The following PTPRK variants were observed in gnomAD, a reference collection of about 807,000 sequenced individuals.
PTPRK encodes protein tyrosine phosphatase receptor type K.
Under a neutral mutation model 178.0 loss-of-function variants are expected in PTPRK, and 75 were observed. The ratio of observed to expected loss-of-function variants is 0.42; its 90% confidence interval spans 0.35 to 0.51. PTPRK has a LOEUF of 0.51. PTPRK is among the 20% of genes least tolerant of loss of function. PTPRK has a pLI of 0.02. For synonymous variants in PTPRK, 637 were observed against 620.6 expected (o/e 1.03, Z -0.39); for missense variants, 1,441 against 1,797.8 (o/e 0.80, Z 3.59).
rs570277776 is a variant in PTPRK, at chr6:128,417,869, C to G, written c.101-20181G>C. ...CGTGGTCCTTTTCGTGTCTAATTCCCAGACACATTCTTGGCAACCACTTTG... is the reference window on the plus strand; with the variant it reads ...CGTGGTCCTTTTCGTGTCTAATTCCGAGACACATTCTTGGCAACCACTTTG... On this transcript the variant is annotated intron_variant, in intron 1 of 29. Transcript: ENST00000368226. Among the ~76,000 whole-genome samples, 241 of 152,290 alleles carry G rather than the reference C, an allele frequency of 1.6e-3. 1 individual carries two copies. The highest frequency in any genetic ancestry group is 5.4e-3 in the African/African-American group (226 of 41,556).
intron 2 of PTPRK, among the ~76,000 whole-genome samples, chr6:128,349,474 T>G (rs1057413234): frequency 2.0e-5 from 3 of 152,036 alleles, no homozygotes; most frequent in African/African-American, 7.2e-5. Context: ...GTACCAAATA[T>G]AAATAATTGA....
chr6:128,189,631 C>A (rs2114714959), intron 6 of PTPRK, among the ~76,000 whole-genome samples: 1 of 152,228 alleles, frequency 6.6e-6, no homozygotes, highest in Non-Finnish European at 1.5e-5. Context: ...TTAACACATT[C>A]AACACTAGAA....
At chr6:127,980,831 T>C (rs952403668) in intron 25 of PTPRK, among the ~76,000 whole-genome samples, 6 of 141,694 alleles carry the variant, frequency 4.2e-5, no homozygotes, top group African/African-American at 1.5e-4. Context: ...TTTTCTTTTC[T>C]GAAAATAATT....
At chr6:128,380,149 T>C (rs1209129214) in intron 2 of PTPRK, among the ~76,000 whole-genome samples, 3 of 151,936 alleles carry the variant, frequency 2.0e-5, no homozygotes, top group Non-Finnish European at 4.4e-5. Flanking sequence ...GATGTGTTCA[T>C]CAATAACAGA....
intron 7 of PTPRK, among the ~76,000 whole-genome samples, chr6:128,139,795 T>C (rs760130176): frequency 3.3e-5 from 5 of 152,096 alleles, no homozygotes; most frequent in Non-Finnish European, 7.4e-5. Context: ...TCTGTTCTAC[T>C]TCTCCCAATC....
intron 1 of PTPRK, among the ~76,000 whole-genome samples, chr6:128,432,337 C>T (rs1355503183): frequency 6.6e-6 from 1 of 152,218 alleles, no homozygotes; most frequent in Non-Finnish European, 1.5e-5. Flanking sequence ...ATAAACCAAA[C>T]TGCACCTTTG....
intron 8 of PTPRK, among the ~76,000 whole-genome samples, chr6:128,087,410 C>T (rs1347282128): frequency 6.6e-6 from 1 of 151,930 alleles, no homozygotes; most frequent in African/African-American, 2.4e-5. Context: ...GTGACACAGA[C>T]CTTATAACAT....
chr6:128,061,477 G>A (rs915626253), intron 13 of PTPRK, among the ~76,000 whole-genome samples: 2 of 150,360 alleles, frequency 1.3e-5, no homozygotes, highest in Non-Finnish European at 3.0e-5. Context: ...AAATACAAAG[G>A]ATATTAGGAA....
At chr6:128,354,661 G>A (rs942206372) in intron 2 of PTPRK, among the ~76,000 whole-genome samples, 1 of 152,192 alleles carries the variant, frequency 6.6e-6, no homozygotes, top group Non-Finnish European at 1.5e-5. Flanking sequence ...TGATTAGAAA[G>A]AGTAAGGCAA....
intron 15 of PTPRK, among the ~76,000 whole-genome samples, chr6:128,002,687 C>T (rs1434527105): frequency 6.6e-6 from 1 of 151,786 alleles, no homozygotes; most frequent in Non-Finnish European, 1.5e-5. Context: ...ATGTCAAACC[C>T]CACATCAAGA....
intron 13 of PTPRK, among the ~76,000 whole-genome samples, chr6:128,021,730 G>T (rs150000315): frequency 1.4e-4 from 21 of 152,278 alleles, no homozygotes; most frequent in African/African-American, 4.8e-4. Context: ...TGCACTTGTT[G>T]GCTGTGTTTC....
intron 3 of PTPRK, among the ~76,000 whole-genome samples, chr6:128,278,107 C>A (rs1385837437): frequency 3.3e-5 from 5 of 151,318 alleles, no homozygotes; most frequent in Non-Finnish European, 5.9e-5. Flanking sequence ...GGAAACAATG[C>A]AGGTGTTTTT....
chr6:128,457,629 T>A (rs2128410185), intron 1 of PTPRK, among the ~76,000 whole-genome samples: 1 of 152,276 alleles, frequency 6.6e-6, no homozygotes, highest in East Asian at 1.9e-4. Flanking sequence ...AAGACCAAAT[T>A]CTTTTCTGCA....
At position 127,996,803 on chromosome 6, in the gene PTPRK, T is replaced by C. The variant is rs1301100824; in HGVS notation, c.2767+98A>G. ...CTGTTTTAATATTAAATAGATTACT[T>C]CATAAACAGACACACCACTCTCTGG... On this transcript the variant is annotated intron_variant, in intron 17 of 29. Coordinates refer to ENST00000368226, the MANE Select transcript of PTPRK (RefSeq NM_002844.4). 3 of 1,399,838 alleles carry C rather than the reference T, an allele frequency of 2.1e-6. No homozygotes were observed. The African/African-American group carries it at 4.4e-5, about 20-fold the overall frequency. 86.7% of individuals were successfully genotyped at this position (1,399,838 alleles called of 1,614,324 possible).
intron 7 of PTPRK, among the ~76,000 whole-genome samples, chr6:128,174,613 T>G (rs1800788767): frequency 6.6e-6 from 1 of 151,880 alleles, no homozygotes; most frequent in Admixed American, 6.6e-5. Flanking sequence ...ATTTAATAAA[T>G]TGATTGTTAG....
intron 7 of PTPRK, among the ~76,000 whole-genome samples, chr6:128,135,082 A>T (rs113301622): frequency 5.4e-4 from 76 of 139,908 alleles, no homozygotes; most frequent in African/African-American, 2.0e-3. Context: ...ATTCAATCAC[A>T]CACACACACA....
intron 3 of PTPRK, chr6:128,321,834 C>T: frequency 1.4e-6 from 1 of 734,208 alleles, no homozygotes; most frequent in Non-Finnish European, 2.4e-6. Context: ...TCCTCATCAA[C>T]AGGGTGGGGA....
intron 5 of PTPRK, among the ~76,000 whole-genome samples, chr6:128,239,089 T>A (rs1488620345): frequency 6.8e-6 from 1 of 147,620 alleles, no homozygotes; most frequent in East Asian, 2.1e-4. Context: ...AAAAAAAAAA[T>A]CATGATGCCT....
intron 7 of PTPRK, among the ~76,000 whole-genome samples, chr6:128,104,132 C>G (rs1262861140): frequency 2.0e-5 from 3 of 152,236 alleles, no homozygotes; most frequent in African/African-American, 7.2e-5. Flanking sequence ...CTTAATGAAG[C>G]TTTCCTTGAT....
Sources: gnomAD v4.1 joint callset for allele counts (sites outside exome capture counted in the v4.1 genomes callset) on GRCh38, gnomAD v4.1.1 for gene constraint, MANE v1.5 for transcripts, NCBI Gene and HGNC (gene_info 2026-07-23, HGNC 2026-07-21) for gene names.